Variants in SPOCK1 observed in about 807,000 individuals in gnomAD.
SPOCK1 encodes testican-1.
Under a neutral mutation model 55.3 loss-of-function variants are expected in SPOCK1, and 23 were observed. The ratio of observed to expected loss-of-function variants is 0.42; its 90% CI spans 0.30 to 0.59. SPOCK1 has a LOEUF of 0.59. Ranked by LOEUF, SPOCK1 falls within the 20% of genes least tolerant of loss-of-function variation. The pLI, the probability that SPOCK1 is intolerant of heterozygous loss-of-function variation, is 0.22. For missense variants in SPOCK1, 499 were observed against 552.5 expected, an observed-to-expected ratio of 0.90 and a Z score of 0.97; for synonymous variants, 226 against 221.0, an observed-to-expected ratio of 1.02 and a Z score of -0.20.
chr5:137,488,460 G>A (rs914772322), intron 2 of SPOCK1, among the ~76,000 whole-genome samples: 2 of 152,138 alleles, frequency 1.3e-5, no homozygotes, highest in African/African-American at 4.8e-5. Context: ...CCTATGCTCT[G>A]GACTAGCAGG....
At position 137,232,962 on chromosome 5, in the gene SPOCK1, C is replaced by T. The variant is rs1274420853; in HGVS notation, c.232+34048G>A. Among the ~76,000 whole-genome samples, 8 of 152,162 alleles carry T rather than the reference C, an allele frequency of 5.3e-5. 1 individual carries two copies. The highest frequency in any genetic ancestry group is 1.0e-4 in the Non-Finnish European group (7 of 68,026). On this transcript the variant is annotated intron_variant, in intron 3 of 10. Transcript: ENST00000394945. Reference sequence around the variant, plus strand: ...ATGGATGGAGGGAAGATCTTTGTTTCAGGCTACATGGAACATACTGTGGTT... The same window carrying T: ...ATGGATGGAGGGAAGATCTTTGTTTTAGGCTACATGGAACATACTGTGGTT...
intron 2 of SPOCK1, among the ~76,000 whole-genome samples, chr5:137,304,635 C>T (rs1342046606): frequency 6.6e-6 from 1 of 152,068 alleles, no homozygotes; most frequent in Admixed American, 6.5e-5. Context: ...GAGGCAGCTT[C>T]CCCCCACTGG....
chr5:137,056,805 T>A (rs1752309696), intron 6 of SPOCK1, among the ~76,000 whole-genome samples: 1 of 152,014 alleles, frequency 6.6e-6, no homozygotes, highest in South Asian at 2.1e-4. Context: ...CAGAGTAAAT[T>A]GGTGCTCTCT....
chr5:137,042,567 G>C (rs1043934984), intron 6 of SPOCK1, among the ~76,000 whole-genome samples: 1 of 152,116 alleles, frequency 6.6e-6, no homozygotes, highest in South Asian at 2.1e-4. Context: ...TTGGAAATGA[G>C]TGGAGATTAT....
chr5:137,359,276 C>T (rs943453841), intron 2 of SPOCK1, among the ~76,000 whole-genome samples: 5 of 152,136 alleles, frequency 3.3e-5, no homozygotes, highest in Admixed American at 2.0e-4. Flanking sequence ...TATAAGACCC[C>T]TCTCTGGCTG....
At chr5:137,003,772 A>G (rs1415643330) in intron 6 of SPOCK1, among the ~76,000 whole-genome samples, 2 of 152,194 alleles carry the variant, frequency 1.3e-5, no homozygotes, top group African/African-American at 4.8e-5. Flanking sequence ...GTAAACTTAA[A>G]TTGTTATTTA....
intron 2 of SPOCK1, among the ~76,000 whole-genome samples, chr5:137,488,667 C>A (rs1187336934): frequency 6.6e-6 from 1 of 152,154 alleles, no homozygotes; most frequent in Non-Finnish European, 1.5e-5. Flanking sequence ...AAAGTAGAGG[C>A]CTCTGCTCTC....
chr5:136,998,359 A>C (rs1430694057), intron 6 of SPOCK1, among the ~76,000 whole-genome samples: 1 of 152,226 alleles, frequency 6.6e-6, no homozygotes, highest in Non-Finnish European at 1.5e-5. Flanking sequence ...GCTCTAAGGT[A>C]CTATGTAGTA....
rs183410872 is a variant in SPOCK1 at position 137,043,917 on chromosome 5, T to C, written c.589+23798A>G. Among the ~76,000 whole-genome samples, 13 of 152,356 alleles carry C rather than the reference T, an allele frequency of 8.5e-5. No individual in the cohort carries two copies. In the East Asian group the frequency reaches 2.5e-3, roughly 29 times the overall value. ...ACTTTAGCTGATTATAATGTATTGATATTTGTTAATTGTGACAAATGTACC... is the reference window on the plus strand; with the variant it reads ...ACTTTAGCTGATTATAATGTATTGACATTTGTTAATTGTGACAAATGTACC... On this transcript the variant is annotated intron_variant, in intron 6 of 10. Transcript: ENST00000394945.
intron 2 of SPOCK1, among the ~76,000 whole-genome samples, chr5:137,488,540 GCCA>G (rs1373230203): frequency 6.6e-6 from 1 of 152,172 alleles, no homozygotes; most frequent in African/African-American, 2.4e-5. Flanking sequence ...GTCTGAGAAT[GCCA>G]CTCTAACAGA....
rs553587175 is a variant in SPOCK1, at chr5:137,202,530, T to C, written c.233-61836A>G. 3.3e-5 allele frequency among the ~76,000 whole-genome samples: 5 copies of C among 152,328 alleles called. No individual in the cohort carries two copies. In the South Asian group the frequency reaches 8.3e-4, roughly 25 times the overall value. ...TGTACATACACAAATGTACATGATA[T>C]CAATTTTTGGTGTTCCCAGCATGTA... On this transcript the variant is annotated intron_variant, in intron 3 of 10. Coordinates refer to ENST00000394945, the MANE Select transcript of SPOCK1 (RefSeq NM_004598.4).
At chr5:136,992,243 G>GA (rs980844335) in intron 7 of SPOCK1, among the ~76,000 whole-genome samples, 9 of 152,014 alleles carry the variant, frequency 5.9e-5, no homozygotes, top group South Asian at 2.1e-4. Context: ...TATGACACCA[G>GA]AAAAAACCTT....
At position 137,076,487 on chromosome 5, in the gene SPOCK1, C is replaced by T. The variant is rs377130810; in HGVS notation, c.475-8658G>A. Among the ~76,000 whole-genome samples, 9 of 151,988 alleles carry T rather than the reference C, an allele frequency of 5.9e-5. No homozygotes were observed. The East Asian group carries it at 9.7e-4, about 16-fold the overall frequency. ...AACATCATAGCTTAGCCTAGCCTAC[C>T]TTCAGTGTACTCAGAACACTCACAT... On this transcript the variant is annotated intron_variant, in intron 5 of 10. Transcript: ENST00000394945.
At chr5:137,366,806 C>T (rs1486696431) in intron 2 of SPOCK1, among the ~76,000 whole-genome samples, 2 of 152,188 alleles carry the variant, frequency 1.3e-5, no homozygotes, top group South Asian at 2.1e-4. Context: ...GAGGGAAAAG[C>T]ATGTGGCTCT....
intron 2 of SPOCK1, among the ~76,000 whole-genome samples, chr5:137,354,904 T>G (rs2522214): frequency 0.21 from 32,289 of 151,892 alleles, 3,511 homozygotes; most frequent in South Asian, 0.28. Flanking sequence ...TAAGTTTTGT[T>G]TTTTTTTGTT....
At chr5:137,417,877 A>C (rs2149824315) in intron 2 of SPOCK1, among the ~76,000 whole-genome samples, 1 of 152,292 alleles carries the variant, frequency 6.6e-6, no homozygotes, top group Admixed American at 6.5e-5. Context: ...ATATGTATAC[A>C]TGTGCCATAT....
At chr5:136,985,092 G>T in intron 9 of SPOCK1, 48 bp downstream of exon 9, 1 of 1,550,734 alleles carries the variant, frequency 6.4e-7, no homozygotes, top group Non-Finnish European at 8.9e-7. Flanking sequence ...CAAGGGACAT[G>T]GCTGGCTTAA....
rs200248588 is a variant in SPOCK1 at position 137,161,048 on chromosome 5, ATCTC to A, written c.233-20358_233-20355del. ...TATATATTACATATATTTTATATAT[ATCTC>A]TCTAATATATTATATATCTCTAATA... On this transcript the variant is annotated intron_variant, in intron 3 of 10. Transcript: ENST00000394945. Among the ~76,000 whole-genome samples, 304 of 146,792 alleles carry A rather than the reference ATCTC, an allele frequency of 2.1e-3. 2 individuals carry two copies. The highest frequency in any genetic ancestry group is 6.0e-3 in the African/African-American group (242 of 40,452).
In SPOCK1 at chr5:137,377,467, T is replaced by G. The variant is rs1751343833; in HGVS notation, c.187-110412A>C. Among the ~76,000 whole-genome samples the G allele has an allele frequency of 2.0e-5, 3 of 152,216 alleles. No homozygotes were observed. The South Asian group carries it at 6.2e-4, about 32-fold the overall frequency. On this transcript the variant is annotated intron_variant, in intron 2 of 10. Transcript: ENST00000394945. ...AGAAGCCTTGAGGAACACCTGATACTGGGCTTCTTGTCTATCTCAGCAAAT... is the reference window on the plus strand; with the variant it reads ...AGAAGCCTTGAGGAACACCTGATACGGGGCTTCTTGTCTATCTCAGCAAAT...
Sources: allele counts gnomAD v4.1 joint callset (sites outside exome capture counted in the v4.1 genomes callset), GRCh38; gene constraint gnomAD v4.1.1; transcripts MANE v1.5; gene names NCBI Gene and HGNC (gene_info 2026-07-23, HGNC 2026-07-21).